The following UBXN2B variants were observed in gnomAD, a reference collection of about 807,000 sequenced individuals.
UBXN2B encodes UBX domain protein 2B.
UBXN2B carries 19 observed loss-of-function variants against 37.5 expected under a neutral mutation model. That is an observed-to-expected ratio of 0.51 (90% CI 0.35 to 0.74). The LOEUF (loss-of-function observed/expected upper bound fraction) is 0.74, where lower values mean the gene tolerates loss of function less well. Among genes scored for constraint, UBXN2B ranks in the 30% least tolerant of loss-of-function variants. The probability of loss-of-function intolerance (pLI) is 0.01; values close to 1 mark genes in which losing one functional copy is unlikely to be tolerated. For missense variants in UBXN2B, 370 were observed against 393.2 expected, an observed-to-expected ratio of 0.94 and a Z score of 0.50; for synonymous variants, 145 against 143.8, an observed-to-expected ratio of 1.01 and a Z score of -0.06.
chr8:58,425,742 C>T (rs1396364251), intron 2 of UBXN2B: 2 of 1,160,516 alleles, frequency 1.7e-6, no homozygotes, highest in Non-Finnish European at 2.6e-6. Flanking sequence ...AGTTGTAGTA[C>T]TGTACCCCAT....
At chr8:58,432,419 G>A (rs1213807932) in intron 3 of UBXN2B, among the ~76,000 whole-genome samples, 71 of 110,580 alleles carry the variant, frequency 6.4e-4, no homozygotes, top group African/African-American at 2.3e-3. Context: ...GTCTCGCTCT[G>A]TTGCCCAGGC....
At chr8:58,430,151 G>A (rs1240292737) in intron 2 of UBXN2B, among the ~76,000 whole-genome samples, 1 of 152,120 alleles carries the variant, frequency 6.6e-6, no homozygotes, top group Non-Finnish European at 1.5e-5. Context: ...GCCTTCTTAG[G>A]GAGAAGGGAC....
rs557673441 is a variant in UBXN2B at position 58,420,130 on chromosome 8, A to G, written c.188+3177A>G. 2.0e-5 allele frequency among the ~76,000 whole-genome samples: 3 copies of G among 152,342 alleles called. No homozygotes were observed. In the South Asian group the frequency reaches 6.2e-4, roughly 32 times the overall value. On this transcript the variant is annotated intron_variant, in intron 2 of 7. Coordinates refer to ENST00000399598, the MANE Select transcript of UBXN2B (RefSeq NM_001077619.2). ...AATACAATGTTAAAAGCTTTGACTCAAGATGGATACATCTCAGTTGTAATT... is the reference window on the plus strand; with the variant it reads ...AATACAATGTTAAAAGCTTTGACTCGAGATGGATACATCTCAGTTGTAATT...
chr8:58,425,567 T>C, intron 2 of UBXN2B: 1 of 1,062,136 alleles, frequency 9.4e-7, no homozygotes, highest in Admixed American at 1.7e-5. Context: ...TCTTGCCTTT[T>C]ACCCTCTTTT....
chr8:58,411,960 G>T (rs1483990808), intron 1 of UBXN2B, among the ~76,000 whole-genome samples: 1 of 152,174 alleles, frequency 6.6e-6, no homozygotes, highest in Non-Finnish European at 1.5e-5. Context: ...GAAGGAAAGC[G>T]ATGCACTCTA....
intron 6 of UBXN2B, among the ~76,000 whole-genome samples, chr8:58,443,495 A>G (rs180977886): frequency 2.0e-3 from 310 of 151,844 alleles, no homozygotes; most frequent in African/African-American, 7.0e-3. Flanking sequence ...GCTAAATATT[A>G]GAATTAACAT....
chr8:58,436,881 C>T (rs1260634070), intron 5 of UBXN2B, among the ~76,000 whole-genome samples: 2 of 152,130 alleles, frequency 1.3e-5, no homozygotes, highest in African/African-American at 4.8e-5. Context: ...CAAAATAAAC[C>T]TTTTTGCTTT....
At chr8:58,441,067 A>C (rs950504264) in intron 6 of UBXN2B, among the ~76,000 whole-genome samples, 2 of 149,536 alleles carry the variant, frequency 1.3e-5, no homozygotes, top group African/African-American at 2.5e-5. Context: ...GTCATAGTTC[A>C]CTGCAGCCTT....
intron 2 of UBXN2B, chr8:58,426,029 A>G: frequency 7.1e-7 from 1 of 1,411,496 alleles, no homozygotes; most frequent in Non-Finnish European, 1.0e-6. Flanking sequence ...GTGTCCCTGA[A>G]ACCACCTTTC....
chr8:58,435,687 AT>A (rs1808395694), intron 5 of UBXN2B, among the ~76,000 whole-genome samples: 1 of 152,254 alleles, frequency 6.6e-6, no homozygotes, highest in Non-Finnish European at 1.5e-5. Flanking sequence ...AAACTAATTT[AT>A]TGTTAAATGA....
At chr8:58,434,840 CCTG>C (rs1226196319) in intron 5 of UBXN2B, 32 of 1,535,564 alleles carry the variant, frequency 2.1e-5, no homozygotes, top group Non-Finnish European at 2.8e-5. Flanking sequence ...AAGCCACTGT[CCTG>C]CTTACTGTTG....
chr8:58,422,225 C>T (rs1807947403), intron 2 of UBXN2B, among the ~76,000 whole-genome samples: 1 of 152,130 alleles, frequency 6.6e-6, no homozygotes, highest in Non-Finnish European at 1.5e-5. Flanking sequence ...TGAAGCAATT[C>T]AAAGTTCAAT....
At chr8:58,446,479 T>C (rs1197431468) in intron 7 of UBXN2B, among the ~76,000 whole-genome samples, 2 of 152,166 alleles carry the variant, frequency 1.3e-5, no homozygotes, top group African/African-American at 4.8e-5. Flanking sequence ...ATAATATAAA[T>C]GTGTATTGTA....
intron 2 of UBXN2B, among the ~76,000 whole-genome samples, chr8:58,427,899 G>A (rs78043930): frequency 2.9e-3 from 438 of 152,288 alleles, no homozygotes; most frequent in African/African-American, 9.6e-3. Context: ...TGTAAGAGGA[G>A]GAGGAAGAAA....
At chr8:58,414,903 T>C (rs972478889) in intron 1 of UBXN2B, among the ~76,000 whole-genome samples, 23 of 152,222 alleles carry the variant, frequency 1.5e-4, no homozygotes, top group African/African-American at 5.3e-4. Context: ...CCAAAGAAAA[T>C]TGTTATTTGA....
At chr8:58,437,030 G>A (rs1294539818) in intron 5 of UBXN2B, among the ~76,000 whole-genome samples, 1 of 152,212 alleles carries the variant, frequency 6.6e-6, no homozygotes, top group Non-Finnish European at 1.5e-5. Context: ...ATAGGCAGTG[G>A]TTGGAAGACT....
intron 2 of UBXN2B, among the ~76,000 whole-genome samples, chr8:58,418,518 G>A (rs1162731168): frequency 6.6e-6 from 1 of 152,050 alleles, no homozygotes; most frequent in African/African-American, 2.4e-5. Context: ...GTCTAACATT[G>A]TAGATCACTG....
chr8:58,412,726 T>G (rs927399717), intron 1 of UBXN2B, among the ~76,000 whole-genome samples: 1 of 152,216 alleles, frequency 6.6e-6, no homozygotes, highest in Admixed American at 6.5e-5. Flanking sequence ...AGTAGTTTTG[T>G]GAACTTAGGA....
At chr8:58,412,649 AT>A (rs1454467261) in intron 1 of UBXN2B, among the ~76,000 whole-genome samples, 1 of 152,204 alleles carries the variant, frequency 6.6e-6, no homozygotes, top group African/African-American at 2.4e-5. Flanking sequence ...ATAAACCCAC[AT>A]CACTAAGAGG....
Sources: gnomAD v4.1 joint callset for allele counts (sites outside exome capture counted in the v4.1 genomes callset) on GRCh38, gnomAD v4.1.1 for gene constraint, MANE v1.5 for transcripts, NCBI Gene and HGNC (gene_info 2026-07-23, HGNC 2026-07-21) for gene names.